Variants in TMEM67 observed in about 807,000 individuals in gnomAD.
The protein encoded by TMEM67 is meckelin.
TMEM67 carries 124 observed loss-of-function variants against 136.6 expected under a neutral mutation model. The ratio of observed to expected loss-of-function variants is 0.91; its 90% CI spans 0.78 to 1.05. The LOEUF (loss-of-function observed/expected upper bound fraction) is 1.05, where lower values mean the gene tolerates loss of function less well. TMEM67 is among the 50% of genes least tolerant of loss of function. The pLI, the probability that TMEM67 is intolerant of heterozygous loss-of-function variation, is 0.00. For missense variants in TMEM67, 1,107 were observed against 1,178.4 expected, an observed-to-expected ratio of 0.94 and a Z score of 0.89; for synonymous variants, 364 against 390.5, an observed-to-expected ratio of 0.93 and a Z score of 0.80.
intron 14 of TMEM67, 51 bp downstream of exon 14, chr8:93,788,000 C>A: frequency 7.5e-7 from 1 of 1,337,512 alleles, no homozygotes; most frequent in Non-Finnish European, 1.1e-6. Flanking sequence ...GAGTATAATA[C>A]TGATTCAGTT....
At chr8:93,811,806 T>C (rs1411126257) in intron 26 of TMEM67, among the ~76,000 whole-genome samples, 1 of 152,020 alleles carries the variant, frequency 6.6e-6, no homozygotes, top group Non-Finnish European at 1.5e-5. Context: ...ACCACTGCAC[T>C]TCAGCCTGGA....
the TMEM67 span, among the ~76,000 whole-genome samples, chr8:93,826,123 C>CTTTTT: frequency 2.0e-3 from 107 of 52,382 alleles, 8 homozygotes; most frequent in East Asian, 7.5e-3. Flanking sequence ...TTAATCATGT[C>CTTTTT]TTTTTTTTTT....
chr8:93,827,727 G>C, the TMEM67 span, among the ~76,000 whole-genome samples: 2 of 151,452 alleles, frequency 1.3e-5, no homozygotes, highest in Non-Finnish European at 2.9e-5. Context: ...CAGAGTGTTG[G>C]GATTACAGGC....
downstream of TMEM67, among the ~76,000 whole-genome samples, chr8:93,821,045 C>T (rs887707858): frequency 6.6e-6 from 1 of 152,094 alleles, no homozygotes; most frequent in African/African-American, 2.4e-5. Flanking sequence ...GACAAGTCCA[C>T]GGGTGTGTGG....
At chr8:93,758,351 T>C in intron 2 of TMEM67, 132 bp from the exon 3 acceptor site, 1 of 663,854 alleles carries the variant, frequency 1.5e-6, no homozygotes, top group Non-Finnish European at 2.6e-6. Flanking sequence ...GGAATTTTTA[T>C]GTGGCTCATA....
chr8:93,815,677 T>C (rs967306465), intron 27 of TMEM67, among the ~76,000 whole-genome samples: 1 of 152,178 alleles, frequency 6.6e-6, no homozygotes, highest in African/African-American at 2.4e-5. Flanking sequence ...AGTTGCTTGA[T>C]TATACATGGA....
At chr8:93,820,605 G>T (rs987888499), downstream of TMEM67, among the ~76,000 whole-genome samples, 4 of 152,162 alleles carry the variant, frequency 2.6e-5, no homozygotes, top group African/African-American at 9.7e-5. Flanking sequence ...GGCAAGTCAT[G>T]ATTAAATTGT....
At chr8:93,826,261 C>T in the TMEM67 span, among the ~76,000 whole-genome samples, 1 of 149,680 alleles carries the variant, frequency 6.7e-6, no homozygotes, top group African/African-American at 2.5e-5. Context: ...TCCCAAGTAG[C>T]TGGGACTACA....
rs143828818 is a variant in TMEM67, at chr8:93,762,827, G to A, written c.407-1015G>A. On this transcript the variant is annotated intron_variant, in intron 3 of 27. Coordinates refer to ENST00000453321, the MANE Select transcript of TMEM67 (RefSeq NM_153704.6). ...TATATAGCCACAGGAAACATAAGTG[G>A]TATGTTTGCATAAATGTTTCATACA... The A allele has an allele frequency of 2.2e-3, 645 of 292,272 alleles. 8 individuals are homozygous for A. Among genetic ancestry groups the A allele is most frequent in the African/African-American group, 0.014 (616 of 44,972 alleles). 18.1% of individuals were successfully genotyped at this position (292,272 alleles called of 1,614,324 possible). A position where few individuals can be genotyped will look rare whatever the true frequency, so the allele number is the denominator to read the frequency against.
intron 6 of TMEM67, among the ~76,000 whole-genome samples, chr8:93,766,607 A>G (rs1288461551): frequency 6.6e-6 from 1 of 152,238 alleles, no homozygotes; most frequent in East Asian, 1.9e-4. Flanking sequence ...CTGAATGAAC[A>G]TTGAAGATGC....
At position 93,760,039 on chromosome 8, in the gene TMEM67, G is replaced by A. The variant is rs147205455; in HGVS notation, c.406+1463G>A. 6.8e-3 allele frequency: 9,347 copies of A among 1,377,818 alleles called. 100 individuals carry two copies. Among genetic ancestry groups the A allele is most frequent in the South Asian group, 0.042 (2,649 of 62,616 alleles). The allele number at this position is 1,377,818 out of a possible 1,614,324, so 85.3% of individuals were successfully genotyped here. On this transcript the variant is annotated intron_variant, in intron 3 of 27. Transcript: ENST00000453321. Reference sequence around the variant, plus strand: ...TGAAGGCAGGCTTTTAAGTGAAAATGCATTCTTTATTTTTGGATGGGAAGA... The same window carrying A: ...TGAAGGCAGGCTTTTAAGTGAAAATACATTCTTTATTTTTGGATGGGAAGA...
chr8:93,820,931 A>G (rs1415867966), downstream of TMEM67, among the ~76,000 whole-genome samples: 1 of 152,356 alleles, frequency 6.6e-6, no homozygotes, highest in East Asian at 1.9e-4. Context: ...TTATTTTTAT[A>G]ATAATCATTG....
Position 93,817,938 on chromosome 8 carries a change from A to G in TMEM67, c.*1486A>G, listed in dbSNP as rs192470614. 2.0e-5 allele frequency: 3 copies of G among 152,390 alleles called. No homozygotes were observed. The highest frequency in any genetic ancestry group is 4.8e-5 in the African/African-American group (2 of 41,602). The allele number at this position is 152,390 out of a possible 1,614,324, so 9.4% of individuals were successfully genotyped here. ...CTCAGAAGCATATGAAAGAAATTCA[A>G]CCATCATTCAACATAGAAGAAGTTA... On this transcript the variant is annotated 3_prime_UTR_variant, in exon 28 of 28. Transcript: ENST00000453321.
rs758944470 is a variant in TMEM67 at position 93,809,863 on chromosome 8, A to G, written c.2740A>G (p.Met914Val). 31 of 1,607,362 alleles carry G rather than the reference A, an allele frequency of 1.9e-5. No homozygotes were observed. The highest frequency in any genetic ancestry group is 2.7e-5 in the African/African-American group (2 of 74,792). Residue 914 changes from methionine to valine, a missense_variant, in exon 26 of 28, where the codon ATG (methionine) becomes GTG (valine). By Grantham distance (21) the Met-to-Val change is conservative. This residue lies in a region of TMEM67 where 925 missense variants were observed against 1,002.4 expected (regional missense o/e 0.92). Coordinates refer to ENST00000453321, the MANE Select transcript of TMEM67 (RefSeq NM_153704.6). ...TCTTGGAATGGAATTCATGGAACCAATGGAAAAAAGCATCTTTTACAATGG... is the reference window on the plus strand; with the variant it reads ...TCTTGGAATGGAATTCATGGAACCAGTGGAAAAAAGCATCTTTTACAATGG... ...RILGMEFMEPMEKSIFYNDEG... is the reference protein window; with the variant it reads ...RILGMEFMEPVEKSIFYNDEG...
rs1808565478 is a variant in TMEM67, at chr8:93,808,689, ATCTGTT to A, written c.2440-147_2440-142del. 3.1e-5 allele frequency: 19 copies of A among 616,926 alleles called. No homozygotes were observed. The South Asian group carries it at 3.7e-4, about 12-fold the overall frequency. The allele number at this position is 616,926 out of a possible 1,614,324, so 38.2% of individuals were successfully genotyped here. A position where few individuals can be genotyped will look rare whatever the true frequency, so the allele number is the denominator to read the frequency against. ...TCTGGGAACCTTGGATAATGGTAGA[ATCTGTT>A]TCTCAAATACAGTTTCAGTGAATTT... is the stretch of plus-strand genomic sequence containing the variant. On this transcript the variant is annotated intron_variant, in intron 23 of 27. Transcript: ENST00000453321.
rs1371332976 is a variant in TMEM67 at position 93,816,362 on chromosome 8, A to C, written c.2908-10A>C. ...ATTTCTTTTCATTCTGAATTGTTTT[A>C]ATTTTCCAGATTTTTAGATATATCC... On this transcript the variant is annotated splice_polypyrimidine_tract_variant and intron_variant, in intron 27 of 27. Coordinates refer to ENST00000453321, the MANE Select transcript of TMEM67 (RefSeq NM_153704.6). 2.9e-6 allele frequency: 4 copies of C among 1,396,278 alleles called. No homozygotes were observed. Among genetic ancestry groups the C allele is most frequent in the Non-Finnish European group, 4.0e-6 (4 of 996,378 alleles). The allele number at this position is 1,396,278 out of a possible 1,614,324, so 86.5% of individuals were successfully genotyped here. A position where few individuals can be genotyped will look rare whatever the true frequency, so the allele number is the denominator to read the frequency against.
intron 23 of TMEM67, among the ~76,000 whole-genome samples, chr8:93,807,094 C>T (rs914356295): frequency 3.9e-5 from 6 of 152,016 alleles, no homozygotes; most frequent in African/African-American, 1.2e-4. Context: ...TGATTTTCCC[C>T]TCTTCAAATT....
chr8:93,819,756 C>A (rs566655979), downstream of TMEM67, among the ~76,000 whole-genome samples: 4 of 152,100 alleles, frequency 2.6e-5, no homozygotes, highest in Non-Finnish European at 5.9e-5. Flanking sequence ...TGGGGCACTA[C>A]GGGCAGTTTG....
chr8:93,809,640 A>G, intron 25 of TMEM67, 145 bp from the exon 26 acceptor site: 1 of 608,238 alleles, frequency 1.6e-6, no homozygotes, highest in Non-Finnish European at 2.9e-6. Context: ...TATAGGTTTC[A>G]ATGTAGTAAC....
Sources: gnomAD v4.1 joint callset for allele counts (sites outside exome capture counted in the v4.1 genomes callset) on GRCh38, gnomAD v4.1.1 for gene constraint, gnomAD v4.1.1 regional missense constraint, MANE v1.5 for transcripts, NCBI Gene and HGNC (gene_info 2026-07-23, HGNC 2026-07-21) for gene names.